The following ABI1 variants were observed in gnomAD, a reference collection of about 807,000 sequenced individuals.
The protein encoded by ABI1 is abl interactor 1, also known as Abelson interactor 1.
Under a neutral mutation model 54.6 loss-of-function variants are expected in ABI1, and 14 were observed. That is an observed-to-expected ratio of 0.26 (90% CI 0.17 to 0.40). The LOEUF (loss-of-function observed/expected upper bound fraction) is 0.40. Ranked by LOEUF, ABI1 falls within the 10% of genes least tolerant of loss-of-function variation. ABI1 has a pLI of 1.00. For missense variants in ABI1, 443 were observed against 598.3 expected, an observed-to-expected ratio of 0.74 and a Z score of 2.71; for synonymous variants, 194 against 209.3, an observed-to-expected ratio of 0.93 and a Z score of 0.63.
chr10:26,769,138 T>C, intron 5 of ABI1, 146 bp from the exon 6 acceptor site: 1 of 589,806 alleles, frequency 1.7e-6, no homozygotes, highest in Admixed American at 4.0e-5. Context: ...AAAAATATTC[T>C]TCACTGGGAT....
At chr10:26,761,364 G>C (rs988192148) in intron 7 of ABI1, among the ~76,000 whole-genome samples, 1 of 151,756 alleles carries the variant, frequency 6.6e-6, no homozygotes, top group Non-Finnish European at 1.5e-5. Context: ...TAGCAATTCT[G>C]AGCCTATTTT....
chr10:26,785,723 T>C lies in ABI1; in HGVS notation c.286-8482A>G, dbSNP rs544367730. On this transcript the variant is annotated intron_variant, in intron 2 of 10. Transcript: ENST00000376140. Reference sequence around the variant, plus strand: ...CTGGGCGACAGAGTCAGACTCTGTCTGGGAAAAAAAAAAAAAAGTCATCTC... The same window carrying C: ...CTGGGCGACAGAGTCAGACTCTGTCCGGGAAAAAAAAAAAAAAGTCATCTC... Among the ~76,000 whole-genome samples, 220 of 148,818 alleles carry C rather than the reference T, an allele frequency of 1.5e-3. 1 individual carries two copies. Among genetic ancestry groups the C allele is most frequent in the African/African-American group, 5.3e-3 (212 of 40,356 alleles).
intron 9 of ABI1, 39 bp from the exon 10 acceptor site, chr10:26,751,822 G>A: frequency 6.5e-7 from 1 of 1,536,680 alleles, no homozygotes; most frequent in Non-Finnish European, 8.8e-7. Flanking sequence ...TCAAAAATAA[G>A]TCTAGATGGA....
intron 2 of ABI1, among the ~76,000 whole-genome samples, chr10:26,798,528 A>C (rs2046346390): frequency 6.6e-6 from 1 of 152,158 alleles, no homozygotes; most frequent in Non-Finnish European, 1.5e-5. Flanking sequence ...GAAGGAACAC[A>C]GCCCTATCCA....
chr10:26,807,441 C>T (rs2046948211), intron 2 of ABI1, among the ~76,000 whole-genome samples: 1 of 152,042 alleles, frequency 6.6e-6, no homozygotes, highest in Non-Finnish European at 1.5e-5. Context: ...ATAATCACAC[C>T]ACTGCATTCC....
chr10:26,851,349 T>TC (rs33963512), intron 1 of ABI1, among the ~76,000 whole-genome samples: 1 of 10,540 alleles, frequency 9.5e-5, no homozygotes, highest in East Asian at 2.4e-3. Flanking sequence ...ACTAAGCTAA[T>TC]TTTTTTTTTT....
At chr10:26,806,298 G>C (rs1441459045) in intron 2 of ABI1, among the ~76,000 whole-genome samples, 3 of 152,166 alleles carry the variant, frequency 2.0e-5, no homozygotes, top group African/African-American at 4.8e-5. Flanking sequence ...ACTTTCATGG[G>C]ATTTGGAAAC....
chr10:26,832,774 AG>A (rs1279972920), intron 1 of ABI1, among the ~76,000 whole-genome samples: 5 of 152,146 alleles, frequency 3.3e-5, no homozygotes, highest in African/African-American at 1.2e-4. Context: ...GAAACCTTCC[AG>A]GAAGAATCCA....
chr10:26,766,624 T>G (rs1839987074), intron 6 of ABI1, among the ~76,000 whole-genome samples: 1 of 152,206 alleles, frequency 6.6e-6, no homozygotes, highest in Non-Finnish European at 1.5e-5. Context: ...AGCCAGGTGA[T>G]CAATACTTAG....
intron 2 of ABI1, among the ~76,000 whole-genome samples, chr10:26,786,655 T>A (rs1035659554): frequency 3.9e-5 from 6 of 152,326 alleles, no homozygotes; most frequent in African/African-American, 1.2e-4. Flanking sequence ...GAGATTTCAA[T>A]GGGAGTTGGA....
At chr10:26,756,195 C>A (rs761193156) in intron 8 of ABI1, among the ~76,000 whole-genome samples, 3 of 151,772 alleles carry the variant, frequency 2.0e-5, no homozygotes, top group Non-Finnish European at 2.9e-5. Flanking sequence ...AAATTAGGAC[C>A]CAAATAAATA....
intron 10 of ABI1, among the ~76,000 whole-genome samples, chr10:26,749,702 T>C (rs1837373086): frequency 6.6e-6 from 1 of 152,214 alleles, no homozygotes; most frequent in African/African-American, 2.4e-5. Flanking sequence ...CAAACTGCTA[T>C]GGAAAGAGAA....
intron 2 of ABI1, among the ~76,000 whole-genome samples, chr10:26,780,385 G>A (rs1486160947): frequency 6.6e-6 from 1 of 152,104 alleles, no homozygotes; most frequent in Non-Finnish European, 1.5e-5. Context: ...ATCCCACCAT[G>A]CCAGGCTAAT....
At chr10:26,758,081 A>C (rs1374317081) in intron 8 of ABI1, among the ~76,000 whole-genome samples, 1 of 151,482 alleles carries the variant, frequency 6.6e-6, no homozygotes, top group South Asian at 2.1e-4. Context: ...AAAAAAAAAA[A>C]AAAAAAAAAA....
At chr10:26,750,362 C>T (rs1412814755) in intron 10 of ABI1, among the ~76,000 whole-genome samples, 2 of 152,044 alleles carry the variant, frequency 1.3e-5, no homozygotes, top group African/African-American at 4.8e-5. Flanking sequence ...GGCGTGGTGG[C>T]GGGCACCTGT....
At chr10:26,858,677 G>A (rs928015263) in intron 1 of ABI1, among the ~76,000 whole-genome samples, 21 of 151,070 alleles carry the variant, frequency 1.4e-4, no homozygotes, top group African/African-American at 4.4e-4. Flanking sequence ...AAGTTTTAAA[G>A]TGCTTCAAAG....
intron 9 of ABI1, among the ~76,000 whole-genome samples, chr10:26,752,367 C>T (rs909297051): frequency 7.9e-5 from 12 of 152,070 alleles, no homozygotes; most frequent in African/African-American, 2.9e-4. Context: ...CTGTTATTTA[C>T]ATTTTACAAG....
At chr10:26,776,416 T>C (rs1221384506) in intron 3 of ABI1, among the ~76,000 whole-genome samples, 1 of 152,212 alleles carries the variant, frequency 6.6e-6, no homozygotes, top group Non-Finnish European at 1.5e-5. Flanking sequence ...TAGTTTATCC[T>C]GAGCAGAGAC....
chr10:26,856,018 G>A (rs565534135), intron 1 of ABI1, among the ~76,000 whole-genome samples: 11 of 149,538 alleles, frequency 7.4e-5, no homozygotes, highest in African/African-American at 2.7e-4. Context: ...TGGGCATGGT[G>A]GCTCACACCT....
Sources: gnomAD v4.1 joint callset for allele counts (sites outside exome capture counted in the v4.1 genomes callset) on GRCh38, gnomAD v4.1.1 for gene constraint, MANE v1.5 for transcripts, NCBI Gene and HGNC (gene_info 2026-07-23, HGNC 2026-07-21) for gene names.